The following PCDHGA4 variants were observed in gnomAD, a reference collection of about 807,000 sequenced individuals.
The protein encoded by PCDHGA4 is protocadherin gamma subfamily A, 4.
In PCDHGA4, 38 loss-of-function variants were observed where a neutral mutation model predicts 54.6. The observed-to-expected ratio is 0.70, with a 90% CI of 0.54 to 0.91. PCDHGA4 has a LOEUF of 0.91. Ranked by LOEUF, PCDHGA4 falls within the 40% of genes least tolerant of loss-of-function variation. PCDHGA4 has a pLI of 0.00. For synonymous variants in PCDHGA4, 511 were observed against 512.9 expected (o/e 1.00, Z 0.05); for missense variants, 1,298 against 1,220.9 (o/e 1.06, Z -0.94).
At chr5:141,484,866 C>T in intron 1 of PCDHGA4, 1 of 275,618 alleles carries the variant, frequency 3.6e-6, no homozygotes, top group Non-Finnish European at 6.8e-6. Flanking sequence ...GGTGGGGGAG[C>T]GTGGAGGATA....
At chr5:141,407,316 G>A (rs2094914682) in intron 1 of PCDHGA4, among the ~76,000 whole-genome samples, 1 of 152,094 alleles carries the variant, frequency 6.6e-6, no homozygotes, top group Non-Finnish European at 1.5e-5. Flanking sequence ...TTCATACTTA[G>A]TATTTATAAA....
At chr5:141,452,017 C>T (rs181614467) in intron 1 of PCDHGA4, among the ~76,000 whole-genome samples, 10 of 152,344 alleles carry the variant, frequency 6.6e-5, no homozygotes, top group Non-Finnish European at 1.2e-4. Flanking sequence ...CCAGCCCACA[C>T]TCTGGGGAGA....
intron 1 of PCDHGA4, among the ~76,000 whole-genome samples, chr5:141,469,803 A>G (rs1326367314): frequency 6.6e-6 from 1 of 152,174 alleles, no homozygotes; most frequent in Non-Finnish European, 1.5e-5. Context: ...TTGCAAAAAC[A>G]TTGTAGATAG....
intron 1 of PCDHGA4, chr5:141,411,352 C>T (rs1002274073): frequency 2.6e-5 from 4 of 152,176 alleles, no homozygotes; most frequent in African/African-American, 9.7e-5. Flanking sequence ...GAAAGTATCA[C>T]TTGAGCCCAA....
intron 1 of PCDHGA4, chr5:141,379,619 T>C (rs1045405424): frequency 6.6e-6 from 1 of 152,170 alleles, no homozygotes; most frequent in African/African-American, 2.4e-5. Context: ...TTTAAACAAA[T>C]AAAATATTTC....
At chr5:141,399,936 C>T (rs1370105984) in intron 1 of PCDHGA4, 2 of 1,612,268 alleles carry the variant, frequency 1.2e-6, no homozygotes, top group Non-Finnish European at 8.5e-7. Flanking sequence ...TGTCCTACCA[C>T]GTGCTGCAGG....
intron 1 of PCDHGA4, chr5:141,428,003 C>A (rs1175875944): frequency 2.5e-6 from 4 of 1,601,244 alleles, no homozygotes; most frequent in Non-Finnish European, 3.4e-6. Context: ...CCGCACTCTT[C>A]GATATAGTGC....
intron 1 of PCDHGA4, chr5:141,403,047 G>T: frequency 6.2e-7 from 1 of 1,614,062 alleles, no homozygotes; most frequent in Non-Finnish European, 8.5e-7. Flanking sequence ...AGTCAGATTC[G>T]CTACTCAGTG....
At chr5:141,472,022 T>C (rs949257396) in intron 1 of PCDHGA4, among the ~76,000 whole-genome samples, 1 of 152,176 alleles carries the variant, frequency 6.6e-6, no homozygotes, top group Non-Finnish European at 1.5e-5. Flanking sequence ...CTATATTGTA[T>C]GTAGAAAGCT....
chr5:141,477,438 C>A lies in PCDHGA4; in HGVS notation c.2515-17369C>A, dbSNP rs1386997844. The A allele has an allele frequency of 3.1e-6, 5 of 1,614,174 alleles. No individual in the cohort carries two copies. The Admixed American group carries it at 6.7e-5, about 22-fold the overall frequency. On this transcript the variant is annotated intron_variant, in intron 1 of 3. Coordinates refer to ENST00000571252, the MANE Select transcript of PCDHGA4 (RefSeq NM_018917.4). The surrounding 1 kb of genome is among the most constrained non-coding windows in gnomAD (Gnocchi z 4.9). ...GGAACCCCTTCCCTCTCAGCCCTTA[C>A]AATAGTGCGTGTTCAAGTGTCCGAC...
chr5:141,461,228 A>C (rs1472527415), intron 1 of PCDHGA4, among the ~76,000 whole-genome samples: 1 of 151,976 alleles, frequency 6.6e-6, no homozygotes, highest in Non-Finnish European at 1.5e-5. Flanking sequence ...TTTTCCATAG[A>C]GGTTGTACTA....
In PCDHGA4 at chr5:141,477,377, C is replaced by A. The variant is rs1456451105; in HGVS notation, c.2515-17430C>A. On this transcript the variant is annotated intron_variant, in intron 1 of 3. Coordinates refer to ENST00000571252, the MANE Select transcript of PCDHGA4 (RefSeq NM_018917.4). This position sits in a 1 kb window ranked among gnomAD's most constrained non-coding sequence, Gnocchi z 4.9. ...TGCAGACCTGGATCGGGAGACTGTG[C>A]CAGAATACAACCTCAGCATCACCGC... 1.2e-6 allele frequency: 2 copies of A among 1,614,026 alleles called. No homozygotes were observed. The highest frequency in any genetic ancestry group is 1.7e-6 in the Non-Finnish European group (2 of 1,180,032).
intron 1 of PCDHGA4, among the ~76,000 whole-genome samples, chr5:141,437,686 G>A (rs1025629140): frequency 2.6e-5 from 4 of 151,740 alleles, no homozygotes; most frequent in African/African-American, 9.7e-5. Flanking sequence ...AACTGATGAG[G>A]CTAAATCTCA....
At position 141,382,966 on chromosome 5, in the gene PCDHGA4, C is replaced by A. The variant is rs36077896; in HGVS notation, c.2514+25345C>A. ...CCTGCTCTCCATCCTCCTGGGGACC[C>A]CCTGGGAAGCCTGGGCAGGACGTAT... On this transcript the variant is annotated intron_variant, in intron 1 of 3. Coordinates refer to ENST00000571252, the MANE Select transcript of PCDHGA4 (RefSeq NM_018917.4). 1,675 of 1,609,050 alleles carry A rather than the reference C, an allele frequency of 1.0e-3. 6 individuals are homozygous for A. Among genetic ancestry groups the A allele is most frequent in the Middle Eastern group, 5.5e-3 (33 of 6,044 alleles).
chr5:141,362,372 G>C, intron 1 of PCDHGA4: 2 of 1,614,054 alleles, frequency 1.2e-6, no homozygotes, highest in Non-Finnish European at 1.7e-6. Context: ...TACAGTGAGG[G>C]TACATTGCCC....
At chr5:141,360,191 C>A (rs764540512) in intron 1 of PCDHGA4, 3 of 1,611,710 alleles carry the variant, frequency 1.9e-6, no homozygotes, top group East Asian at 2.2e-5. Context: ...GTACTGTTGC[C>A]CTTCCTGTTG....
At chr5:141,473,511 C>T (rs952034051) in intron 1 of PCDHGA4, among the ~76,000 whole-genome samples, 23 of 152,108 alleles carry the variant, frequency 1.5e-4, no homozygotes, top group Non-Finnish European at 3.1e-4. Flanking sequence ...GAGAGCATAA[C>T]AAAGGATCCT....
Position 141,485,274 on chromosome 5 carries a change from C to A in PCDHGA4, c.2515-9533C>A. 1 of 1,614,106 alleles carries A rather than the reference C, an allele frequency of 6.2e-7. No homozygotes were observed. The highest frequency in any genetic ancestry group is 1.3e-5 in the African/African-American group (1 of 75,036). ...TACGTTTGTGGGCAGATCCGCTACC[C>A]GGTCCCAGAGGAGTCACAGGAAGGG... On this transcript the variant is annotated intron_variant, in intron 1 of 3. Transcript: ENST00000571252. The surrounding 1 kb of genome is among the most constrained non-coding windows in gnomAD (Gnocchi z 5.7).
chr5:141,428,116 A>G, intron 1 of PCDHGA4: 1 of 1,607,216 alleles, frequency 6.2e-7, no homozygotes, highest in Non-Finnish European at 8.5e-7. Flanking sequence ...CAGGCCATCG[A>G]GCCCGGGCTT....
Sources: gnomAD v4.1 joint callset for allele counts (sites outside exome capture counted in the v4.1 genomes callset) on GRCh38, gnomAD v4.1.1 for gene constraint, Gnocchi (gnomAD v3.1) non-coding constraint, MANE v1.5 for transcripts, NCBI Gene and HGNC (gene_info 2026-07-23, HGNC 2026-07-21) for gene names.